Variants in LYZL4 observed in about 807,000 individuals in gnomAD.
LYZL4 encodes lysozyme-like protein 4.
A neutral mutation model predicts 17.6 loss-of-function variants in LYZL4; 13 were observed. The ratio of observed to expected loss-of-function variants is 0.74; its 90% CI spans 0.48 to 1.18. The LOEUF (loss-of-function observed/expected upper bound fraction) is 1.18, where lower values mean the gene tolerates loss of function less well. Among genes scored for constraint, LYZL4 ranks in the 50% most tolerant of loss-of-function variants. LYZL4 has a pLI of 0.00. For synonymous variants in LYZL4, 64 were observed against 67.7 expected (o/e 0.95, Z 0.27); for missense variants, 174 against 188.2 (o/e 0.92, Z 0.44).
chr3:42,390,893 A>G, the LYZL4 span, among the ~76,000 whole-genome samples: 2 of 152,214 alleles, frequency 1.3e-5, no homozygotes, highest in African/African-American at 4.8e-5. Flanking sequence ...GAATAATTGG[A>G]CTGATAGTTT....
At chr3:42,368,074 T>C in the LYZL4 span, among the ~76,000 whole-genome samples, 1 of 152,074 alleles carries the variant, frequency 6.6e-6, no homozygotes, top group East Asian at 1.9e-4. Flanking sequence ...GGACCACTCA[T>C]TAGCAAACGA....
At chr3:42,387,357 C>T in the LYZL4 span, among the ~76,000 whole-genome samples, 1 of 152,170 alleles carries the variant, frequency 6.6e-6, no homozygotes, top group African/African-American at 2.4e-5. Context: ...GCGTGGGCCT[C>T]ATACAAACAG....
chr3:42,368,847 C>T, the LYZL4 span, among the ~76,000 whole-genome samples: 1 of 152,062 alleles, frequency 6.6e-6, no homozygotes, highest in Non-Finnish European at 1.5e-5. Context: ...AAAATGTGTT[C>T]TCGTTATTGT....
chr3:42,395,086 T>A (rs1483177679), downstream of LYZL4, among the ~76,000 whole-genome samples: 1 of 152,228 alleles, frequency 6.6e-6, no homozygotes, highest in Non-Finnish European at 1.5e-5. Flanking sequence ...GAATACCCTC[T>A]TCTCTAGAGA....
chr3:42,375,919 T>C, the LYZL4 span, among the ~76,000 whole-genome samples: 4 of 152,284 alleles, frequency 2.6e-5, no homozygotes, highest in South Asian at 6.2e-4. Flanking sequence ...CCTTACAGGA[T>C]TGTGGGAAGG....
chr3:42,406,453 CAAAAAAAAAAAAAAAAAA>C (rs565639489), intron 3 of LYZL4, among the ~76,000 whole-genome samples: 10 of 84,178 alleles, frequency 1.2e-4, no homozygotes, highest in African/African-American at 4.2e-4. Context: ...GACTCCGTCT[CAAAAAAAAAAAAAAAAAA>C]AAAAAAAAAG....
chr3:42,403,951 T>C (rs977568987), intron 4 of LYZL4, 95 bp downstream of exon 4: 3 of 878,830 alleles, frequency 3.4e-6, no homozygotes, highest in East Asian at 5.2e-5. Context: ...GTTTTGGCAC[T>C]GCACGTGCGC....
At chr3:42,367,154 C>T in the LYZL4 span, among the ~76,000 whole-genome samples, 3 of 152,124 alleles carry the variant, frequency 2.0e-5, no homozygotes, top group Admixed American at 1.3e-4. Context: ...CCGGTTGCCT[C>T]GATGACCCAA....
intron 4 of LYZL4, among the ~76,000 whole-genome samples, chr3:42,399,710 T>G (rs1448108679): frequency 1.3e-5 from 2 of 152,308 alleles, no homozygotes; most frequent in South Asian, 4.1e-4. Flanking sequence ...GGTTTATTTT[T>G]CATTTTTAAA....
chr3:42,371,055 A>G, the LYZL4 span, among the ~76,000 whole-genome samples: 2 of 152,106 alleles, frequency 1.3e-5, no homozygotes, highest in African/African-American at 2.4e-5. Flanking sequence ...CATTCTCTCT[A>G]TCTTCAACTG....
At chr3:42,398,933 T>C (rs1318561049) in intron 4 of LYZL4, among the ~76,000 whole-genome samples, 3 of 152,062 alleles carry the variant, frequency 2.0e-5, no homozygotes, top group Non-Finnish European at 2.9e-5. Context: ...AAATAGTTTA[T>C]GCAAATAAAA....
chr3:42,400,779 CGG>C (rs1047069709), intron 4 of LYZL4, among the ~76,000 whole-genome samples: 1 of 151,416 alleles, frequency 6.6e-6, no homozygotes, highest in Non-Finnish European at 1.5e-5. Context: ...AAATGTGGGA[CGG>C]GGGGAGAAAA....
At chr3:42,397,988 A>T (rs977517394) in intron 4 of LYZL4, among the ~76,000 whole-genome samples, 1 of 152,004 alleles carries the variant, frequency 6.6e-6, no homozygotes, top group Non-Finnish European at 1.5e-5. Context: ...GCTGTACGCC[A>T]TTAGAAATCC....
the LYZL4 span, among the ~76,000 whole-genome samples, chr3:42,375,836 A>G: frequency 6.6e-6 from 1 of 152,168 alleles, no homozygotes; most frequent in Non-Finnish European, 1.5e-5. Flanking sequence ...GAGCGGGGAC[A>G]TTGGATGTTC....
At chr3:42,362,048 C>T in the LYZL4 span, among the ~76,000 whole-genome samples, 2 of 152,100 alleles carry the variant, frequency 1.3e-5, no homozygotes, top group African/African-American at 4.8e-5. Context: ...CCAGTTGGCA[C>T]GCCCTCCCAG....
At chr3:42,406,724 A>G in intron 3 of LYZL4, 122 bp downstream of exon 3, 5 of 1,245,094 alleles carry the variant, frequency 4.0e-6, no homozygotes, top group Non-Finnish European at 4.5e-6. Context: ...CACCCTGGAT[A>G]TGGCTCCTGC....
chr3:42,375,660 G>T, the LYZL4 span, among the ~76,000 whole-genome samples: 1 of 152,180 alleles, frequency 6.6e-6, no homozygotes, highest in East Asian at 1.9e-4. Flanking sequence ...GGCTGAGGAG[G>T]CATAAGGAGA....
At chr3:42,406,453 C>CAAAAAAAAAAAAAAAA (rs565639489) in intron 3 of LYZL4, among the ~76,000 whole-genome samples, 4 of 84,174 alleles carry the variant, frequency 4.8e-5, no homozygotes, top group Non-Finnish European at 9.8e-5. Context: ...GACTCCGTCT[C>CAAAAAAAAAAAAAAAA]AAAAAAAAAA....
the LYZL4 span, among the ~76,000 whole-genome samples, chr3:42,386,813 T>C: frequency 2.0e-5 from 3 of 152,190 alleles, no homozygotes; most frequent in Non-Finnish European, 4.4e-5. Flanking sequence ...ACAGATAAAA[T>C]GCTATGATGT....
Sources: gnomAD v4.1 joint callset for allele counts (sites outside exome capture counted in the v4.1 genomes callset) on GRCh38, gnomAD v4.1.1 for gene constraint, MANE v1.5 for transcripts, NCBI Gene and HGNC (gene_info 2026-07-23, HGNC 2026-07-21) for gene names.